The following CDH13 variants were observed in gnomAD, a reference collection of about 807,000 sequenced individuals.
CDH13 encodes the protein cadherin-13.
A neutral mutation model predicts 63.8 loss-of-function variants in CDH13; 24 were observed. That is an observed-to-expected ratio of 0.38 (90% CI 0.27 to 0.53). The LOEUF (loss-of-function observed/expected upper bound fraction) is 0.53, where lower values mean the gene tolerates loss of function less well. Among genes scored for constraint, CDH13 ranks in the 20% least tolerant of loss-of-function variants. CDH13 has a pLI of 0.85. For synonymous variants in CDH13, 503 were observed against 355.3 expected (o/e 1.42, Z -4.67); for missense variants, 1,049 against 903.1 (o/e 1.16, Z -2.07).
At chr16:82,941,659 C>T (rs1468725169) in intron 2 of CDH13, among the ~76,000 whole-genome samples, 2 of 152,176 alleles carry the variant, frequency 1.3e-5, no homozygotes, top group East Asian at 3.9e-4. Flanking sequence ...CTCCAGGCAC[C>T]AGGCACATTT....
chr16:82,767,930 G>T (rs1294694579), intron 1 of CDH13, among the ~76,000 whole-genome samples: 1 of 152,158 alleles, frequency 6.6e-6, no homozygotes, highest in Non-Finnish European at 1.5e-5. Context: ...AAAAGGAGTG[G>T]ATCTAGAGTG....
intron 3 of CDH13, among the ~76,000 whole-genome samples, chr16:83,111,231 G>T (rs183606933): frequency 6.6e-6 from 1 of 151,944 alleles, no homozygotes; most frequent in African/African-American, 2.4e-5. Context: ...ATGTGCTTAT[G>T]GTCTTGGGAG....
chr16:83,300,965 G>A (rs890685429), intron 5 of CDH13, among the ~76,000 whole-genome samples: 1 of 143,212 alleles, frequency 7.0e-6, no homozygotes. Flanking sequence ...TCCTGAAAAT[G>A]TTAAACTGTG....
At chr16:83,374,001 T>A (rs2091418260) in intron 6 of CDH13, among the ~76,000 whole-genome samples, 1 of 152,096 alleles carries the variant, frequency 6.6e-6, no homozygotes, top group African/African-American at 2.4e-5. Context: ...AAGTCGAAGG[T>A]CTTTCTCTAT....
rs13331707 is a variant in CDH13, at chr16:82,955,607, C to G, written c.158-76403C>G. Among the ~76,000 whole-genome samples, 348 of 152,242 alleles carry G rather than the reference C, an allele frequency of 2.3e-3. 2 individuals are homozygous for G. Among genetic ancestry groups the G allele is most frequent in the African/African-American group, 8.0e-3 (334 of 41,552 alleles). On this transcript the variant is annotated intron_variant, in intron 2 of 13. Transcript: ENST00000567109. ...TGCATTCGTTTTTGTTTTTATTTGG[C>G]ACCTACTGTGAATCAGTCACTGTGT... is the stretch of plus-strand genomic sequence containing the variant.
In CDH13 at chr16:83,316,168, G is replaced by A. The variant is rs147367898; in HGVS notation, c.637-28694G>A. On this transcript the variant is annotated intron_variant, in intron 5 of 13. Transcript: ENST00000567109. ...CATGAGAACTCACTGACTATCACAA[G>A]AAGAGCATGGGGGAACCACCCCCAT... Among the ~76,000 whole-genome samples, 269 of 152,212 alleles carry A rather than the reference G, an allele frequency of 1.8e-3. 2 individuals carry two copies. The highest frequency in any genetic ancestry group is 6.1e-3 in the African/African-American group (252 of 41,552).
At chr16:83,447,891 A>G (rs992713991) in intron 6 of CDH13, among the ~76,000 whole-genome samples, 6 of 151,928 alleles carry the variant, frequency 3.9e-5, no homozygotes, top group African/African-American at 1.5e-4. Context: ...GTAGCCCTTG[A>G]TGTGATTCAC....
intron 8 of CDH13, among the ~76,000 whole-genome samples, chr16:83,666,203 C>A (rs1000549940): frequency 2.6e-5 from 4 of 152,144 alleles, no homozygotes; most frequent in African/African-American, 9.7e-5. Flanking sequence ...ACAAAGTGAG[C>A]ATTGCTATAG....
chr16:83,233,288 C>T (rs1251562592), intron 5 of CDH13, among the ~76,000 whole-genome samples: 1 of 152,158 alleles, frequency 6.6e-6, no homozygotes, highest in Non-Finnish European at 1.5e-5. Context: ...CGACCCTTAC[C>T]CTCTCACCCA....
At chr16:82,650,773 T>C (rs932711315) in intron 1 of CDH13, among the ~76,000 whole-genome samples, 9 of 152,214 alleles carry the variant, frequency 5.9e-5, no homozygotes, top group Non-Finnish European at 8.8e-5. Flanking sequence ...ACTGGAGAAG[T>C]TGCACATCCA....
intron 1 of CDH13, among the ~76,000 whole-genome samples, chr16:82,707,607 G>C (rs1035782552): frequency 9.2e-5 from 14 of 152,200 alleles, no homozygotes; most frequent in Non-Finnish European, 1.8e-4. Flanking sequence ...GGTGCAGAGG[G>C]TGTGTGGATT....
chr16:83,168,705 T>C (rs2037794004), intron 4 of CDH13, among the ~76,000 whole-genome samples: 1 of 152,172 alleles, frequency 6.6e-6, no homozygotes, highest in Non-Finnish European at 1.5e-5. Context: ...ATGAGTATAA[T>C]TAAATACATA....
intron 2 of CDH13, among the ~76,000 whole-genome samples, chr16:82,878,629 G>A (rs11649390): frequency 0.26 from 39,472 of 151,112 alleles, 6,893 homozygotes; most frequent in Non-Finnish European, 0.39. Context: ...GATTTTCTCA[G>A]AGACTGGGTA....
In CDH13 at chr16:82,733,087, A is replaced by T. The variant is rs964259974; in HGVS notation, c.45+105950A>T. Among the ~76,000 whole-genome samples, 3 of 152,182 alleles carry T rather than the reference A, an allele frequency of 2.0e-5. No individual in the cohort carries two copies. The East Asian group carries it at 5.8e-4, about 29-fold the overall frequency. ...AATGTGTGGGTAATTGTGCCTATCG[A>T]TTGTGACAAAGTCTTCAAGCATGAG... On this transcript the variant is annotated intron_variant, in intron 1 of 13. Transcript: ENST00000567109.
At chr16:83,026,257 C>T (rs906506541) in intron 2 of CDH13, among the ~76,000 whole-genome samples, 2 of 152,166 alleles carry the variant, frequency 1.3e-5, no homozygotes, top group African/African-American at 2.4e-5. Context: ...TCCACTTGCC[C>T]ATCTATTCCT....
chr16:83,479,889 G>C (rs1032500736), intron 6 of CDH13, among the ~76,000 whole-genome samples: 1 of 152,206 alleles, frequency 6.6e-6, no homozygotes, highest in East Asian at 1.9e-4. Flanking sequence ...TTAACGTTTT[G>C]TGATGGAGTG....
intron 5 of CDH13, among the ~76,000 whole-genome samples, chr16:83,274,747 T>C (rs2088931719): frequency 6.6e-6 from 1 of 152,180 alleles, no homozygotes; most frequent in Admixed American, 6.5e-5. Flanking sequence ...TTATTAAATA[T>C]GCACATTCTT....
At chr16:83,659,268 C>G (rs1913216496) in intron 8 of CDH13, among the ~76,000 whole-genome samples, 3 of 149,600 alleles carry the variant, frequency 2.0e-5, no homozygotes, top group Admixed American at 2.0e-4. Flanking sequence ...CATGTCCTCA[C>G]CAGCAAGGTC....
intron 7 of CDH13, among the ~76,000 whole-genome samples, chr16:83,519,808 C>G (rs781402712): frequency 6.6e-5 from 10 of 151,988 alleles, no homozygotes; most frequent in Non-Finnish European, 1.2e-4. Context: ...GTGGGGGGAA[C>G]AAGGGGAACT....
Sources: allele counts gnomAD v4.1 joint callset (sites outside exome capture counted in the v4.1 genomes callset), GRCh38; gene constraint gnomAD v4.1.1; transcripts MANE v1.5; gene names NCBI Gene and HGNC (gene_info 2026-07-23, HGNC 2026-07-21).